Variants in HTR2C observed in about 807,000 individuals in gnomAD.
The protein encoded by HTR2C is 5-hydroxytryptamine (serotonin) receptor 2C, G protein-coupled.
A neutral mutation model predicts 21.0 loss-of-function variants in HTR2C; 5 were observed. The observed-to-expected ratio is 0.24, with a 90% confidence interval of 0.12 to 0.50. The LOEUF (loss-of-function observed/expected upper bound fraction) is 0.50, where lower values mean the gene tolerates loss of function less well. HTR2C is among the 20% of genes least tolerant of loss of function. The pLI, the probability that HTR2C is intolerant of heterozygous loss-of-function variation, is 0.98. For synonymous variants in HTR2C, 150 were observed against 145.3 expected (o/e 1.03, Z -0.23); for missense variants, 271 against 371.2 (o/e 0.73, Z 2.22).
rs201763901 is a variant in HTR2C at position 114,633,947 on chromosome X, T to TATATATATAG, written c.-80+20067_-80+20068insTATATATAGA. ...ATATGCATGTGTATATATATATATATAGAGAGAGAGAGAGAGATGGTAGGT... is the reference window on the plus strand; with the variant it reads ...ATATGCATGTGTATATATATATATATATATATATAGAGAGAGAGAGAGAGAGATGGTAGGT... On this transcript the variant is annotated intron_variant, in intron 2 of 5. Transcript: ENST00000276198. Among the ~76,000 whole-genome samples, 257 of 92,179 alleles carry TATATATATAG rather than the reference T, an allele frequency of 2.8e-3. 1 individual carries two copies. The highest frequency in any genetic ancestry group is 9.9e-3 in the African/African-American group (253 of 25,489). The allele number at this position is 92,179 out of a possible 115,157, so 80.0% of individuals were successfully genotyped here.
chrX:114,875,832 C>T (rs1303787986), intron 5 of HTR2C, among the ~76,000 whole-genome samples: 1 of 94,263 alleles, frequency 1.1e-5, no homozygotes, highest in Admixed American at 1.3e-4. Context: ...ATGATGCCTC[C>T]ATCTTGATTC....
rs782190313 is a variant in HTR2C at position 114,604,782 on chromosome X, A to C, written c.-146-9033A>C. On this transcript the variant is annotated intron_variant, in intron 1 of 5. Transcript: ENST00000276198. ...ACGTGTAGCAAGCTCCTGTGGGAGG[A>C]GGTTCTGGAGGAATGCCTGGCCGCT... Among the ~76,000 whole-genome samples, 14 of 110,708 alleles carry C rather than the reference A, an allele frequency of 1.3e-4. No homozygotes were observed. The South Asian group carries it at 3.1e-3, about 25-fold the overall frequency.
In HTR2C at chrX:114,701,320, G is replaced by A. The variant is rs782656624; in HGVS notation, c.-79-25538G>A. On this transcript the variant is annotated intron_variant, in intron 2 of 5. Transcript: ENST00000276198. ...AACTGGGAGGCACCCCCAAGTAGGG[G>A]CAGACTGACACCTCACATGGCCGGG... Among the ~76,000 whole-genome samples, 682 of 111,628 alleles carry A rather than the reference G, an allele frequency of 6.1e-3. 5 individuals carry two copies. Among genetic ancestry groups the A allele is most frequent in the African/African-American group, 0.021 (646 of 30,737 alleles).
intron 2 of HTR2C, among the ~76,000 whole-genome samples, chrX:114,679,228 C>T (rs1350446769): frequency 9.0e-6 from 1 of 110,677 alleles, no homozygotes; most frequent in Non-Finnish European, 1.9e-5. Flanking sequence ...GCTGGCTTAT[C>T]CTTGGCAGTC....
intron 2 of HTR2C, chrX:114,715,319 C>G: frequency 2.6e-6 from 1 of 385,596 alleles, no homozygotes; most frequent in Non-Finnish European, 5.2e-6. Flanking sequence ...GGGCAACTGA[C>G]TGAACTTTTC....
chrX:114,652,448 A>T (rs1156429587), intron 2 of HTR2C, among the ~76,000 whole-genome samples: 5 of 110,889 alleles, frequency 4.5e-5, no homozygotes, highest in Non-Finnish European at 9.5e-5. Context: ...TGGAAGAAAA[A>T]TAACAGAAGT....
At chrX:114,788,481 C>T (rs2070200274) in intron 4 of HTR2C, among the ~76,000 whole-genome samples, 3 of 110,378 alleles carry the variant, frequency 2.7e-5, no homozygotes, top group Non-Finnish European at 3.8e-5. Flanking sequence ...AGGCTGGTCT[C>T]GAACTCCTGA....
chrX:114,590,082 G>C lies in HTR2C; in HGVS notation c.-147+5423G>C, dbSNP rs142272055. The C allele has an allele frequency of 9.6e-3, 1,310 of 137,092 alleles. 26 individuals carry two copies. Among genetic ancestry groups the C allele is most frequent in the African/African-American group, 0.04 (1,239 of 30,987 alleles). The allele number at this position is 137,092 out of a possible 1,213,427, so 11.3% of individuals were successfully genotyped here. A position where few individuals can be genotyped will look rare whatever the true frequency, so the allele number is the denominator to read the frequency against. On this transcript the variant is annotated intron_variant, in intron 1 of 5. Coordinates refer to ENST00000276198, the MANE Select transcript of HTR2C (RefSeq NM_000868.4). Reference sequence around the variant, plus strand: ...ATACTAGAGTCAGGAAAAGTAATTTGATAGCTATGACTTGGAAAATAGGTG... The same window carrying C: ...ATACTAGAGTCAGGAAAAGTAATTTCATAGCTATGACTTGGAAAATAGGTG...
intron 4 of HTR2C, among the ~76,000 whole-genome samples, chrX:114,744,248 G>A (rs1351811380): frequency 9.1e-6 from 1 of 109,432 alleles, no homozygotes; most frequent in Non-Finnish European, 1.9e-5. Flanking sequence ...GTGCTTAGAG[G>A]AAGATTTATG....
chrX:114,804,623 G>C (rs1387086561), intron 4 of HTR2C, among the ~76,000 whole-genome samples: 11 of 111,985 alleles, frequency 9.8e-5, no homozygotes, highest in African/African-American at 3.6e-4. Context: ...TACACCAGAA[G>C]ACTGTAGAAT....
intron 4 of HTR2C, among the ~76,000 whole-genome samples, chrX:114,740,305 A>G (rs1471181291): frequency 2.7e-5 from 3 of 110,007 alleles, no homozygotes; most frequent in Admixed American, 9.9e-5. Context: ...AAATATGACA[A>G]GCTTGAATTG....
intron 4 of HTR2C, among the ~76,000 whole-genome samples, chrX:114,783,627 A>T (rs1363502694): frequency 8.9e-6 from 1 of 112,070 alleles, no homozygotes; most frequent in Non-Finnish European, 1.9e-5. Flanking sequence ...ACCCAAATGT[A>T]GAATACAAAT....
chrX:114,584,716 G>A (rs1927315216), intron 1 of HTR2C, 57 bp downstream of exon 1: 1 of 111,467 alleles, frequency 9.0e-6, no homozygotes, highest in Non-Finnish European at 1.9e-5. Flanking sequence ...TTAGGCGGGG[G>A]ATGGGGTGGG....
At chrX:114,864,472 T>A (rs781880314) in intron 5 of HTR2C, among the ~76,000 whole-genome samples, 2 of 111,915 alleles carry the variant, frequency 1.8e-5, no homozygotes, top group Non-Finnish European at 3.8e-5. Context: ...TCTTGTTATA[T>A]TGTGAGTTCC....
chrX:114,654,058 A>G (rs946751191), intron 2 of HTR2C, among the ~76,000 whole-genome samples: 3 of 110,335 alleles, frequency 2.7e-5, no homozygotes, highest in African/African-American at 9.8e-5. Flanking sequence ...GACTAATAAT[A>G]TCTTGTCTAT....
At position 114,741,524 on chromosome X, in the gene HTR2C, T is replaced by TAAAAAAAAA. The variant is rs782206973; in HGVS notation, c.349+9934_349+9942dup. Among the ~76,000 whole-genome samples the TAAAAAAAAA allele has an allele frequency of 6.5e-3, 32 of 4,896 alleles. 7 individuals are homozygous for TAAAAAAAAA. Among genetic ancestry groups the TAAAAAAAAA allele is most frequent in the Non-Finnish European group, 0.013 (24 of 1,903 alleles). 4.3% of individuals were successfully genotyped at this position (4,896 alleles called of 115,157 possible). ...GGCGACAGAGCAAGACGACTCCGTC[T>TAAAAAAAAA]AAAAAAAAAAAAAAAAAAAAAAAAA... On this transcript the variant is annotated intron_variant, in intron 4 of 5. Transcript: ENST00000276198.
At chrX:114,706,566 G>A (rs1208851577) in intron 2 of HTR2C, among the ~76,000 whole-genome samples, 2 of 71,080 alleles carry the variant, frequency 2.8e-5, no homozygotes, top group African/African-American at 1.1e-4. Context: ...GTGGTGGGGT[G>A]GGGGGAGGGG....
chrX:114,839,416 G>T (rs782370644), intron 4 of HTR2C, among the ~76,000 whole-genome samples: 15 of 111,924 alleles, frequency 1.3e-4, no homozygotes, highest in African/African-American at 4.5e-4. Context: ...GTTGGGTGTG[G>T]GGGCTTATGC....
At chrX:114,633,947 T>G (rs782654361) in intron 2 of HTR2C, among the ~76,000 whole-genome samples, 3,855 of 92,163 alleles carry the variant, frequency 0.042, 81 homozygotes, top group Non-Finnish European at 0.05. Flanking sequence ...TATATATATA[T>G]AGAGAGAGAG....
Sources: allele counts gnomAD v4.1 joint callset (sites outside exome capture counted in the v4.1 genomes callset), GRCh38; gene constraint gnomAD v4.1.1; transcripts MANE v1.5; gene names NCBI Gene and HGNC (gene_info 2026-07-23, HGNC 2026-07-21).